SLC16A7: variants seen among roughly 807,000 people sequenced by gnomAD.
The protein encoded by SLC16A7 is solute carrier family 16 member 7.
In SLC16A7, 33 loss-of-function variants were observed where a neutral mutation model predicts 34.9. The observed-to-expected ratio is 0.94, with a 90% CI of 0.72 to 1.26. The LOEUF is 1.26. Among genes scored for constraint, SLC16A7 ranks in the 50% most tolerant of loss-of-function variants. The pLI is 0.00. For synonymous variants in SLC16A7, 201 were observed against 206.6 expected, an observed-to-expected ratio of 0.97 and a Z score of 0.23; for missense variants, 573 against 578.1, an observed-to-expected ratio of 0.99 and a Z score of 0.09.
chr12:59,749,321 C>T (rs910879200), intron 3 of SLC16A7, among the ~76,000 whole-genome samples: 2 of 152,136 alleles, frequency 1.3e-5, no homozygotes, highest in African/African-American at 4.8e-5. Context: ...ACAATGAGAA[C>T]CCTTTTTCTG....
chr12:59,730,362 A>C (rs1306203812), intron 3 of SLC16A7, among the ~76,000 whole-genome samples: 2 of 148,776 alleles, frequency 1.3e-5, no homozygotes, highest in Non-Finnish European at 3.0e-5. Flanking sequence ...AAAAAAAAAA[A>C]CAGACAACAC....
chr12:59,684,351 C>T (rs1001793490), intron 2 of SLC16A7, among the ~76,000 whole-genome samples: 3 of 152,142 alleles, frequency 2.0e-5, no homozygotes, highest in African/African-American at 7.2e-5. Flanking sequence ...TCCTTTTCCT[C>T]TAGGACAGAA....
chr12:59,776,728 G>C (rs1176460012), intron 5 of SLC16A7, among the ~76,000 whole-genome samples: 1 of 151,868 alleles, frequency 6.6e-6, no homozygotes, highest in African/African-American at 2.4e-5. Context: ...TCGGCTCTAA[G>C]ACCTAGGTGG....
chr12:59,765,917 C>A (rs1445564406), intron 3 of SLC16A7, among the ~76,000 whole-genome samples: 1 of 152,044 alleles, frequency 6.6e-6, no homozygotes, highest in Non-Finnish European at 1.5e-5. Flanking sequence ...TATAAATTAC[C>A]TTGGGCAGTA....
chr12:59,627,148 C>T (rs1879964108), intron 1 of SLC16A7, among the ~76,000 whole-genome samples: 1 of 151,750 alleles, frequency 6.6e-6, no homozygotes, highest in East Asian at 1.9e-4. Flanking sequence ...ATATCACTTA[C>T]AATGTGCTAC....
At position 59,686,804 on chromosome 12, in the gene SLC16A7, A is replaced by G. The variant is rs56848747; in HGVS notation, c.-30-17968A>G. Among the ~76,000 whole-genome samples, 285 of 152,152 alleles carry G rather than the reference A, an allele frequency of 1.9e-3. 1 individual carries two copies. The highest frequency in any genetic ancestry group is 6.2e-3 in the African/African-American group (257 of 41,538). ...TTACTGGTGTCTGACTTAATCCTTC[A>G]AAAAGATTTTAAGAGATGCTAAGCA... is the stretch of plus-strand genomic sequence containing the variant. On this transcript the variant is annotated intron_variant, in intron 2 of 5. Transcript: ENST00000547379.
intron 5 of SLC16A7, among the ~76,000 whole-genome samples, chr12:59,776,205 C>T (rs11173139): frequency 1.3e-5 from 2 of 151,978 alleles, no homozygotes; most frequent in Admixed American, 1.3e-4. Flanking sequence ...AGAAGCTGGT[C>T]TAATACTTGA....
chr12:59,631,258 G>T (rs1167261462), intron 1 of SLC16A7, among the ~76,000 whole-genome samples: 1 of 151,960 alleles, frequency 6.6e-6, no homozygotes, highest in East Asian at 1.9e-4. Context: ...CCTTTGGGAA[G>T]AAAATAGTTT....
At chr12:59,651,847 G>C (rs1231319719) in intron 1 of SLC16A7, among the ~76,000 whole-genome samples, 1 of 152,018 alleles carries the variant, frequency 6.6e-6, no homozygotes, top group East Asian at 1.9e-4. Context: ...GCTTGAGGAA[G>C]GGAAAAGCAA....
chr12:59,695,701 G>T (rs185798107), intron 2 of SLC16A7, among the ~76,000 whole-genome samples: 1 of 152,116 alleles, frequency 6.6e-6, no homozygotes, highest in East Asian at 1.9e-4. Flanking sequence ...GCAGACACTG[G>T]TTATTTAATT....
In SLC16A7 at chr12:59,708,444, T is replaced by A. The variant is rs184535849; in HGVS notation, c.217+3426T>A. 1.3e-3 allele frequency among the ~76,000 whole-genome samples: 194 copies of A among 152,288 alleles called. 1 individual carries two copies. Among genetic ancestry groups the A allele is most frequent in the Admixed American group, 2.2e-3 (34 of 15,274 alleles). Reference sequence around the variant, plus strand: ...AATCACTATTTGATTTTAAAATACTTAAATTTTCTTACACTATGTGAAATA... The same window carrying A: ...AATCACTATTTGATTTTAAAATACTAAAATTTTCTTACACTATGTGAAATA... On this transcript the variant is annotated intron_variant, in intron 3 of 5. Transcript: ENST00000547379.
At chr12:59,701,738 T>C (rs1466596460) in intron 2 of SLC16A7, among the ~76,000 whole-genome samples, 1 of 151,768 alleles carries the variant, frequency 6.6e-6, no homozygotes, top group Admixed American at 6.6e-5. Context: ...ATTTATAACA[T>C]GATTTGAATA....
At chr12:59,643,318 C>A (rs1880767165) in intron 1 of SLC16A7, among the ~76,000 whole-genome samples, 2 of 152,108 alleles carry the variant, frequency 1.3e-5, no homozygotes, top group African/African-American at 4.8e-5. Flanking sequence ...TGCACTATGA[C>A]CCCAAGAGTC....
Position 59,781,617 on chromosome 12 carries a change from A to C in SLC16A7, c.*1938A>C, listed in dbSNP as rs1320466523. ...AATATCATAGGTAAATAAATTAGGG[A>C]AAATGTGGGACTTTATGGCTGTTTT... On this transcript the variant is annotated 3_prime_UTR_variant, in exon 6 of 6. Transcript: ENST00000547379. 1 of 152,618 alleles carries C rather than the reference A, an allele frequency of 6.6e-6. No individual in the cohort carries two copies. The highest frequency in any genetic ancestry group is 1.5e-5 in the Non-Finnish European group (1 of 68,030). 9.5% of individuals were successfully genotyped at this position (152,618 alleles called of 1,614,324 possible).
chr12:59,731,716 T>C (rs1175153429), intron 3 of SLC16A7, among the ~76,000 whole-genome samples: 12 of 152,158 alleles, frequency 7.9e-5, no homozygotes, highest in Admixed American at 7.9e-4. Context: ...TAGAGCTCAT[T>C]TGGCCCACAC....
At chr12:59,698,429 A>G (rs1409629854) in intron 2 of SLC16A7, among the ~76,000 whole-genome samples, 2 of 151,756 alleles carry the variant, frequency 1.3e-5, no homozygotes, top group East Asian at 3.9e-4. Flanking sequence ...CAATTCTAAG[A>G]AGCACATATT....
At chr12:59,605,040 A>T (rs1878871954) in intron 1 of SLC16A7, among the ~76,000 whole-genome samples, 1 of 152,066 alleles carries the variant, frequency 6.6e-6, no homozygotes, top group Non-Finnish European at 1.5e-5. Context: ...CTTAGTAGAG[A>T]TGGGGTTTCA....
At chr12:59,764,888 G>C (rs1054144388) in intron 3 of SLC16A7, among the ~76,000 whole-genome samples, 1 of 152,108 alleles carries the variant, frequency 6.6e-6, no homozygotes, top group African/African-American at 2.4e-5. Flanking sequence ...TCTAGTTCTA[G>C]ATCCCTGAGG....
At chr12:59,757,892 C>G (rs976989240) in intron 3 of SLC16A7, among the ~76,000 whole-genome samples, 1 of 152,120 alleles carries the variant, frequency 6.6e-6, no homozygotes, top group Non-Finnish European at 1.5e-5. Flanking sequence ...TATAAGAAGA[C>G]AGTATATAAT....
Sources: gnomAD v4.1 joint callset for allele counts (sites outside exome capture counted in the v4.1 genomes callset) on GRCh38, gnomAD v4.1.1 for gene constraint, MANE v1.5 for transcripts, NCBI Gene and HGNC (gene_info 2026-07-23, HGNC 2026-07-21) for gene names.